TNKS: variants seen among roughly 807,000 people sequenced by gnomAD.
TNKS encodes the protein tankyrase, also known as poly [ADP-ribose] polymerase tankyrase-1.
Under a neutral mutation model 135.8 loss-of-function variants are expected in TNKS, and 72 were observed. The observed-to-expected ratio is 0.53, with a 90% CI of 0.44 to 0.64. The LOEUF (loss-of-function observed/expected upper bound fraction) is 0.64, where lower values mean the gene tolerates loss of function less well. Among genes scored for constraint, TNKS ranks in the 30% least tolerant of loss-of-function variants. TNKS has a pLI of 0.00. For missense variants in TNKS, 1,769 were observed against 1,674.0 expected, an observed-to-expected ratio of 1.06 and a Z score of -0.99; for synonymous variants, 849 against 649.3, an observed-to-expected ratio of 1.31 and a Z score of -4.68.
chr8:9,747,310 T>C lies in TNKS; in HGVS notation c.2644-714T>C, dbSNP rs557127371. On this transcript the variant is annotated intron_variant, in intron 17 of 26. Transcript: ENST00000310430. ...CTTTGACTTTTCTCTCTCTCTCTTC[T>C]GTTGTGAATTTGGCTTTTAAACACA... 2.1e-5 allele frequency among the ~76,000 whole-genome samples: 3 copies of C among 145,556 alleles called. No homozygotes were observed. In the South Asian group the frequency reaches 7.2e-4, roughly 35 times the overall value.
At chr8:9,765,369 T>G (rs1475406190) in intron 23 of TNKS, among the ~76,000 whole-genome samples, 3 of 151,978 alleles carry the variant, frequency 2.0e-5, no homozygotes, top group Non-Finnish European at 4.4e-5. Flanking sequence ...AAATACAGAT[T>G]TACAGATCCC....
rs555253240 is a variant in TNKS at position 9,736,727 on chromosome 8, T to C, written c.2643+1241T>C. Among the ~76,000 whole-genome samples, 4 of 64,292 alleles carry C rather than the reference T, an allele frequency of 6.2e-5. No homozygotes were observed. The East Asian group carries it at 1.2e-3, about 19-fold the overall frequency. 42.2% of individuals were successfully genotyped at this position (64,292 alleles called of 152,430 possible). ...AGATAGTTGTAGATATGCGGCATTA[T>C]TTCTGAGGGCTCTGTTCTGTTCCAT... On this transcript the variant is annotated intron_variant, in intron 17 of 26. Transcript: ENST00000310430.
chr8:9,730,980 T>C lies in TNKS; in HGVS notation c.2092T>C (p.Ser698Pro). The part of the protein sequence containing the change: ...LHFAAGYNRV[S>P]VVEYLLHHGA... ...CTTCGCAGCAGGCTACAACCGCGTGTCTGTTGTAGAGTACCTGCTACACCA... is the reference window on the plus strand; with the variant it reads ...CTTCGCAGCAGGCTACAACCGCGTGCCTGTTGTAGAGTACCTGCTACACCA... The change falls in exon 14 of 27, where the codon TCT (serine) becomes CCT (proline). Residue 698 changes from serine (S) to proline (P), a missense_variant. Ser to Pro is a moderately conservative substitution (Grantham distance 74). This residue lies in a region of TNKS where 69 missense variants were observed against 120.3 expected (regional missense o/e 0.57). Transcript: ENST00000310430. 6.2e-7 allele frequency: 1 copy of C among 1,614,054 alleles called. No individual in the cohort carries two copies. Among genetic ancestry groups the C allele is most frequent in the East Asian group, 2.2e-5 (1 of 44,878 alleles).
At chr8:9,747,294 TTCTC>T (rs1006854756) in intron 17 of TNKS, among the ~76,000 whole-genome samples, 2 of 142,304 alleles carry the variant, frequency 1.4e-5, no homozygotes, top group Non-Finnish European at 3.1e-5. Context: ...TCTTTGACTT[TTCTC>T]TCTCTCTCTT....
chr8:9,707,236 G>A (rs1487317803), intron 8 of TNKS, among the ~76,000 whole-genome samples: 1 of 151,780 alleles, frequency 6.6e-6, no homozygotes, highest in Non-Finnish European at 1.5e-5. Flanking sequence ...TCCTTTTTTG[G>A]TTTTTTGAAG....
At chr8:9,572,882 A>T (rs971307588) in intron 1 of TNKS, among the ~76,000 whole-genome samples, 1 of 152,002 alleles carries the variant, frequency 6.6e-6, no homozygotes, top group African/African-American at 2.4e-5. Flanking sequence ...TTTTTTTTAA[A>T]CTCATAGGTA....
chr8:9,628,139 G>A (rs1451429003), intron 3 of TNKS, among the ~76,000 whole-genome samples: 4 of 148,724 alleles, frequency 2.7e-5, no homozygotes, highest in African/African-American at 1.0e-4. Context: ...TTGAATTCTG[G>A]TAGCTCACAT....
intron 3 of TNKS, among the ~76,000 whole-genome samples, chr8:9,669,833 G>A (rs1431458794): frequency 6.6e-6 from 1 of 151,382 alleles, no homozygotes; most frequent in Non-Finnish European, 1.5e-5. Flanking sequence ...AATTTGGTCA[G>A]GAAGAGTTTC....
intron 3 of TNKS, among the ~76,000 whole-genome samples, chr8:9,626,745 C>T (rs1800069310): frequency 6.6e-6 from 1 of 152,186 alleles, no homozygotes; most frequent in African/African-American, 2.4e-5. Context: ...TCACTTTTGA[C>T]ACCCATGAGG....
chr8:9,573,051 A>G (rs1797818314), intron 1 of TNKS, among the ~76,000 whole-genome samples: 1 of 149,480 alleles, frequency 6.7e-6, no homozygotes, highest in African/African-American at 2.5e-5. Context: ...TATATATAGC[A>G]AGCCATTCTC....
At chr8:9,733,151 G>A in intron 14 of TNKS, 128 bp from the exon 15 acceptor site, 1 of 648,346 alleles carries the variant, frequency 1.5e-6, no homozygotes, top group Non-Finnish European at 2.4e-6. Flanking sequence ...AACAGAGGTG[G>A]GTGTATTTCT....
intron 13 of TNKS, among the ~76,000 whole-genome samples, chr8:9,728,996 T>C (rs1805290147): frequency 6.6e-6 from 1 of 152,222 alleles, no homozygotes; most frequent in Non-Finnish European, 1.5e-5. Flanking sequence ...TTCTCTCAGT[T>C]CTGGAGGCTA....
At chr8:9,767,150 ATGT>A (rs1288389737) in intron 25 of TNKS, among the ~76,000 whole-genome samples, 12 of 152,242 alleles carry the variant, frequency 7.9e-5, no homozygotes, top group African/African-American at 2.2e-4. Context: ...GTTGCTGGTG[ATGT>A]TGTTGTTTTA....
chr8:9,570,830 G>C (rs1797728469), intron 1 of TNKS, among the ~76,000 whole-genome samples: 1 of 152,184 alleles, frequency 6.6e-6, no homozygotes, highest in South Asian at 2.1e-4. Flanking sequence ...TGTATACCCA[G>C]TGTGGTGGCA....
At chr8:9,569,603 A>T (rs927821186) in intron 1 of TNKS, among the ~76,000 whole-genome samples, 2 of 152,160 alleles carry the variant, frequency 1.3e-5, no homozygotes, top group Non-Finnish European at 2.9e-5. Flanking sequence ...GGTGGTTTTT[A>T]TGTGTGTTCT....
chr8:9,643,661 C>T (rs565079721), intron 3 of TNKS, among the ~76,000 whole-genome samples: 28 of 152,204 alleles, frequency 1.8e-4, no homozygotes, highest in African/African-American at 6.5e-4. Context: ...GCCCCTTGAG[C>T]ACTGTTGGTG....
intron 2 of TNKS, among the ~76,000 whole-genome samples, chr8:9,600,603 C>T (rs1798981393): frequency 6.6e-6 from 1 of 152,110 alleles, no homozygotes; most frequent in Non-Finnish European, 1.5e-5. Flanking sequence ...GCATGAGCCA[C>T]TGCGCCTGGC....
chr8:9,661,829 C>G (rs1382127863), intron 3 of TNKS, among the ~76,000 whole-genome samples: 1 of 152,068 alleles, frequency 6.6e-6, no homozygotes, highest in Admixed American at 6.5e-5. Context: ...TTTTTGCAAC[C>G]TACTCATCTG....
intron 2 of TNKS, 197 bp from the exon 3 acceptor site, chr8:9,615,385 C>A: frequency 2.2e-6 from 1 of 446,146 alleles, no homozygotes; most frequent in Non-Finnish European, 4.0e-6. Context: ...AATATTGTAC[C>A]ATAAGTTGCC....
Sources: gnomAD v4.1 joint callset for allele counts (sites outside exome capture counted in the v4.1 genomes callset) on GRCh38, gnomAD v4.1.1 for gene constraint, gnomAD v4.1.1 regional missense constraint, MANE v1.5 for transcripts, NCBI Gene and HGNC (gene_info 2026-07-23, HGNC 2026-07-21) for gene names.